OSBPL1A: variants seen among roughly 807,000 people sequenced by gnomAD.
OSBPL1A encodes oxysterol-binding protein-related protein 1.
Under a neutral mutation model 137.1 loss-of-function variants are expected in OSBPL1A, and 80 were observed. The observed-to-expected ratio is 0.58, with a 90% CI of 0.49 to 0.70. The LOEUF (loss-of-function observed/expected upper bound fraction) is 0.70, where lower values mean the gene tolerates loss of function less well. Ranked by LOEUF, OSBPL1A falls within the 30% of genes least tolerant of loss-of-function variation. The pLI, the probability that OSBPL1A is intolerant of heterozygous loss-of-function variation, is 0.00. For synonymous variants in OSBPL1A, 365 were observed against 389.7 expected (o/e 0.94, Z 0.75); for missense variants, 970 against 1,129.4 (o/e 0.86, Z 2.02).
intron 15 of OSBPL1A, among the ~76,000 whole-genome samples, chr18:24,240,160 G>A (rs949077894): frequency 2.6e-5 from 4 of 152,102 alleles, no homozygotes; most frequent in Non-Finnish European, 4.4e-5. Flanking sequence ...AGCCCCTCAA[G>A]TGATCTGCCC....
intron 13 of OSBPL1A, among the ~76,000 whole-genome samples, chr18:24,304,995 G>A (rs1251172575): frequency 6.6e-6 from 1 of 152,030 alleles, no homozygotes; most frequent in Non-Finnish European, 1.5e-5. Context: ...CAGGTTGAGG[G>A]GCAGGGAAAA....
chr18:24,368,929 T>C (rs1401361142), intron 2 of OSBPL1A, among the ~76,000 whole-genome samples: 2 of 152,172 alleles, frequency 1.3e-5, no homozygotes, highest in South Asian at 2.1e-4. Flanking sequence ...GATTGGATCA[T>C]AGGGGCGGAT....
At chr18:24,341,100 A>C (rs375567385) in intron 5 of OSBPL1A, among the ~76,000 whole-genome samples, 1 of 152,044 alleles carries the variant, frequency 6.6e-6, no homozygotes, top group Non-Finnish European at 1.5e-5. Context: ...GGCTCAAACA[A>C]TCCTCCTCCC....
intron 4 of OSBPL1A, among the ~76,000 whole-genome samples, chr18:24,346,789 T>G (rs2091353036): frequency 6.6e-6 from 1 of 152,212 alleles, no homozygotes; most frequent in African/African-American, 2.4e-5. Flanking sequence ...TTGCCCAGGC[T>G]GGAGTGTAGT....
intron 17 of OSBPL1A, among the ~76,000 whole-genome samples, chr18:24,219,636 A>C (rs544761346): frequency 4.6e-5 from 7 of 152,216 alleles, no homozygotes; most frequent in African/African-American, 1.7e-4. Context: ...GAGTCTGGTG[A>C]AAGTATGTCT....
intron 4 of OSBPL1A, among the ~76,000 whole-genome samples, chr18:24,342,715 A>T (rs553260734): frequency 6.6e-6 from 1 of 152,326 alleles, no homozygotes; most frequent in South Asian, 2.1e-4. Flanking sequence ...TATGACCACT[A>T]TAAACATTTT....
chr18:24,393,446 A>ATTTATT (rs768857310), intron 1 of OSBPL1A, among the ~76,000 whole-genome samples: 8 of 152,020 alleles, frequency 5.3e-5, no homozygotes, highest in Non-Finnish European at 7.4e-5. Context: ...ATTTTTATTT[A>ATTTATT]TTTATTTTTA....
At chr18:24,272,307 G>A (rs2089744969) in intron 15 of OSBPL1A, 1 of 978,064 alleles carries the variant, frequency 1.0e-6, no homozygotes. Context: ...GGAAAGCAAA[G>A]GAATCTTCTC....
In OSBPL1A at chr18:24,199,478, T is replaced by C. The variant is rs562074224; in HGVS notation, c.1602-3278A>G. Among the ~76,000 whole-genome samples, 3 of 152,050 alleles carry C rather than the reference T, an allele frequency of 2.0e-5. No homozygotes were observed. The East Asian group carries it at 5.8e-4, about 29-fold the overall frequency. Reference sequence around the variant, plus strand: ...GACATAAGGTACACTCTCTTGCTGATGTGTTGATGACCTCCTACCCCCAAA... The same window carrying C: ...GACATAAGGTACACTCTCTTGCTGACGTGTTGATGACCTCCTACCCCCAAA... On this transcript the variant is annotated intron_variant, in intron 17 of 27. Coordinates refer to ENST00000319481, the MANE Select transcript of OSBPL1A (RefSeq NM_080597.4).
chr18:24,209,549 T>G (rs78620907), intron 17 of OSBPL1A, among the ~76,000 whole-genome samples: 5,024 of 152,238 alleles, frequency 0.033, 180 homozygotes, highest in African/African-American at 0.089. Flanking sequence ...GTGAAGAGAA[T>G]GAAACATGTC....
chr18:24,311,052 A>G (rs913771817), intron 13 of OSBPL1A, among the ~76,000 whole-genome samples: 1 of 152,208 alleles, frequency 6.6e-6, no homozygotes, highest in Non-Finnish European at 1.5e-5. Flanking sequence ...GTTGTCATCA[A>G]TTCTGGGGAA....
At chr18:24,184,840 G>C (rs2086701835) in intron 18 of OSBPL1A, among the ~76,000 whole-genome samples, 2 of 151,840 alleles carry the variant, frequency 1.3e-5, no homozygotes, top group Non-Finnish European at 2.9e-5. Context: ...ACTGCCCTGT[G>C]AGCTTTCCCT....
At chr18:24,332,782 T>C (rs964994666) in intron 7 of OSBPL1A, among the ~76,000 whole-genome samples, 160 bp downstream of exon 7, 4 of 152,206 alleles carry the variant, frequency 2.6e-5, no homozygotes, top group Admixed American at 1.3e-4. Flanking sequence ...TCTACCTTTG[T>C]CATCATTTTT....
chr18:24,220,301 G>A (rs1415932401), intron 17 of OSBPL1A, among the ~76,000 whole-genome samples: 1 of 152,146 alleles, frequency 6.6e-6, no homozygotes, highest in Non-Finnish European at 1.5e-5. Context: ...CTGCTCCTTG[G>A]TCCCTAGTTC....
intron 17 of OSBPL1A, among the ~76,000 whole-genome samples, chr18:24,222,883 T>TA: frequency 6.6e-6 from 1 of 152,096 alleles, no homozygotes; most frequent in Non-Finnish European, 1.5e-5. Flanking sequence ...TCCCAGGGGG[T>TA]ACTACTGGTG....
chr18:24,206,529 G>A (rs1377274220), intron 17 of OSBPL1A, among the ~76,000 whole-genome samples: 1 of 152,206 alleles, frequency 6.6e-6, no homozygotes, highest in African/African-American at 2.4e-5. Flanking sequence ...AATGACGAAA[G>A]AACATACTAA....
intron 17 of OSBPL1A, among the ~76,000 whole-genome samples, chr18:24,201,120 C>G (rs1193053275): frequency 6.6e-6 from 1 of 152,092 alleles, no homozygotes; most frequent in African/African-American, 2.4e-5. Context: ...TCCTTTTTCT[C>G]TTCATACAGA....
At chr18:24,371,438 A>G (rs78250929) in intron 2 of OSBPL1A, among the ~76,000 whole-genome samples, 2,004 of 152,160 alleles carry the variant, frequency 0.013, 35 homozygotes, top group African/African-American at 0.039. Context: ...CATCCCACCT[A>G]TATCTACAGG....
In OSBPL1A at chr18:24,171,514, T is replaced by C; in HGVS notation, c.2202-16A>G. ...GTCCCCAGTCCTATAAAGAAAATAC[T>C]AAGTTCAGATTATCATTTATTAGCA... On this transcript the variant is annotated splice_polypyrimidine_tract_variant and intron_variant, in intron 22 of 27. Coordinates refer to ENST00000319481, the MANE Select transcript of OSBPL1A (RefSeq NM_080597.4). 6.4e-7 allele frequency: 1 copy of C among 1,574,112 alleles called. No homozygotes were observed. The highest frequency in any genetic ancestry group is 1.4e-5 in the African/African-American group (1 of 73,712).
Sources: allele counts gnomAD v4.1 joint callset (sites outside exome capture counted in the v4.1 genomes callset), GRCh38; gene constraint gnomAD v4.1.1; transcripts MANE v1.5; gene names NCBI Gene and HGNC (gene_info 2026-07-23, HGNC 2026-07-21).